The following AGFG2 variants were observed in gnomAD, a reference collection of about 807,000 sequenced individuals.
The protein encoded by AGFG2 is ArfGAP with FG repeats 2.
In AGFG2, 31 loss-of-function variants were observed where a neutral mutation model predicts 48.0. That is an observed-to-expected ratio of 0.65 (90% CI 0.49 to 0.87). The LOEUF is 0.87. AGFG2 is among the 40% of genes least tolerant of loss of function. AGFG2 has a pLI of 0.00. For missense variants in AGFG2, 599 were observed against 632.6 expected, an observed-to-expected ratio of 0.95 and a Z score of 0.57; for synonymous variants, 229 against 260.8, an observed-to-expected ratio of 0.88 and a Z score of 1.18.
chr7:100,552,757 A>G (rs1800672999), intron 3 of AGFG2, among the ~76,000 whole-genome samples: 2 of 152,164 alleles, frequency 1.3e-5, no homozygotes, highest in South Asian at 4.1e-4. Context: ...AGCTGGCAGG[A>G]TGGAAGTGTG....
intron 2 of AGFG2, among the ~76,000 whole-genome samples, chr7:100,549,725 C>T (rs866477215): frequency 6.6e-6 from 1 of 152,072 alleles, no homozygotes; most frequent in Non-Finnish European, 1.5e-5. Flanking sequence ...CTCTTGCTTG[C>T]TCTGTCACCC....
Position 100,539,242 on chromosome 7 carries a change from G to C in AGFG2, c.-105G>C. The stretch of plus-strand genomic sequence containing the variant: ...TCTCCTGCGGATGCCGCCCGCTCCC[G>C]AGCTTCTGTCAGGGGAGCCGGGCGT... On this transcript the variant is annotated 5_prime_UTR_variant, in exon 1 of 12. Coordinates refer to ENST00000300176, the MANE Select transcript of AGFG2 (RefSeq NM_006076.5). 4 of 1,166,596 alleles carry C rather than the reference G, an allele frequency of 3.4e-6. No individual in the cohort carries two copies. The highest frequency in any genetic ancestry group is 4.4e-6 in the Non-Finnish European group (4 of 916,512). 72.3% of individuals were successfully genotyped at this position (1,166,596 alleles called of 1,614,324 possible).
intron 1 of AGFG2, among the ~76,000 whole-genome samples, chr7:100,542,340 T>C (rs547213908): frequency 2.0e-5 from 3 of 152,334 alleles, no homozygotes; most frequent in African/African-American, 7.2e-5. Context: ...TAAAGCATTA[T>C]GAGACTAAAC....
At chr7:100,559,801 G>A (rs1380263459) in intron 6 of AGFG2, among the ~76,000 whole-genome samples, 7 of 150,288 alleles carry the variant, frequency 4.7e-5, no homozygotes, top group Non-Finnish European at 8.9e-5. Flanking sequence ...CTGGGCAATT[G>A]GAATGAGACC....
At chr7:100,542,078 C>T (rs1234433074) in intron 1 of AGFG2, among the ~76,000 whole-genome samples, 4 of 152,060 alleles carry the variant, frequency 2.6e-5, no homozygotes, top group East Asian at 1.9e-4. Context: ...TGCAATGGCG[C>T]GATCTCGGCT....
At position 100,564,320 on chromosome 7, in the gene AGFG2, G is replaced by A; in HGVS notation, c.1386+17G>A. On this transcript the variant is annotated intron_variant, in intron 11 of 11. Coordinates refer to ENST00000300176, the MANE Select transcript of AGFG2 (RefSeq NM_006076.5). ...CCCTTCATGGTGAGTGTGCCAGCAG[G>A]GGTGCTGTGGTAGGGCTCGTGGGCT... The A allele has an allele frequency of 1.2e-6, 2 of 1,609,162 alleles. No individual in the cohort carries two copies. Among genetic ancestry groups the A allele is most frequent in the South Asian group, 1.1e-5 (1 of 89,992 alleles).
chr7:100,554,228 C>A lies in AGFG2; in HGVS notation c.721C>A (p.Pro241Thr). 2 of 1,613,778 alleles carry A rather than the reference C, an allele frequency of 1.2e-6. No homozygotes were observed. The highest frequency in any genetic ancestry group is 2.7e-5 in the African/African-American group (2 of 75,052). Residue 241 changes from proline to threonine, a missense_variant, in exon 5 of 12, where the codon CCA becomes ACA. Transcript: ENST00000300176. ...CCCCTTTGCTGCACCCCAGATGGCACCAGCTTTTGCTGCATTCCCTGCCTT... is the reference window on the plus strand; with the variant it reads ...CCCCTTTGCTGCACCCCAGATGGCAACAGCTTTTGCTGCATTCCCTGCCTT... ...GDPFAAPQMA[P>T]AFAAFPAFGG...
rs34685790 is a variant in AGFG2 at position 100,555,710 on chromosome 7, G to T, written c.852G>T (p.Ser284=). 253 of 1,614,064 alleles carry T rather than the reference G, an allele frequency of 1.6e-4. No individual in the cohort carries two copies. In the African/African-American group the frequency reaches 3.2e-3, roughly 20 times the overall value. The change falls in exon 6 of 12, where the codon TCG becomes TCT. Residue 284 remains serine (S), a synonymous_variant. Transcript: ENST00000300176. ...FGSLPPAGQA[S]FQAQPTPAGS... is the part of the protein sequence containing the mutation. ...GCCTCCCTCCAGCTGGTCAAGCCTC[G>T]TTCCAGGCCCAGCCAACTCCTGCAG...
rs1584394894 is a variant in AGFG2 at position 100,566,345 on chromosome 7, G to C, written c.*1354G>C. On this transcript the variant is annotated 3_prime_UTR_variant, in exon 12 of 12. Transcript: ENST00000300176. ...TCTGCCCCAGGCTCTTTCCACCTGG[G>C]GATGTTGTGACAACATCCAGCTGTG... 1 of 152,232 alleles carries C rather than the reference G, an allele frequency of 6.6e-6. No homozygotes were observed. Among genetic ancestry groups the C allele is most frequent in the Non-Finnish European group, 1.5e-5 (1 of 68,066 alleles). The allele number at this position is 152,232 out of a possible 1,614,324, so 9.4% of individuals were successfully genotyped here. A position where few individuals can be genotyped will look rare whatever the true frequency, so the allele number is the denominator to read the frequency against.
chr7:100,551,636 C>A (rs1455613795), intron 3 of AGFG2, among the ~76,000 whole-genome samples: 2 of 151,642 alleles, frequency 1.3e-5, no homozygotes, highest in Non-Finnish European at 2.9e-5. Flanking sequence ...ATAATCCCAG[C>A]ACTTTGGGAG....
chr7:100,562,828 T>C lies in AGFG2; in HGVS notation c.1088-35T>C. On this transcript the variant is annotated intron_variant, in intron 8 of 11. Coordinates refer to ENST00000300176, the MANE Select transcript of AGFG2 (RefSeq NM_006076.5). This position sits in a 1 kb window ranked among gnomAD's most constrained non-coding sequence, Gnocchi z 5.4. ...ACGTGAGAAAAAAAGTAACCATCTC[T>C]CTCTTTCCTGCCGCTCCCCATTCCA... The C allele has an allele frequency of 2.5e-6, 4 of 1,610,492 alleles. No homozygotes were observed. The highest frequency in any genetic ancestry group is 3.4e-6 in the Non-Finnish European group (4 of 1,176,936).
rs1001364753 is a variant in AGFG2, at chr7:100,555,746, C to T, written c.877+11C>T. 1 of 1,613,134 alleles carries T rather than the reference C, an allele frequency of 6.2e-7. No individual in the cohort carries two copies. The highest frequency in any genetic ancestry group is 8.5e-7 in the Non-Finnish European group (1 of 1,179,476). ...AGCCAACTCCTGCAGGTAAACTCTG[C>T]CCCACTGGCTTCCTTTCTCTTCCAA... On this transcript the variant is annotated intron_variant, in intron 6 of 11. Coordinates refer to ENST00000300176, the MANE Select transcript of AGFG2 (RefSeq NM_006076.5).
At chr7:100,548,975 C>G in intron 2 of AGFG2, 60 bp downstream of exon 2, 1 of 1,411,798 alleles carries the variant, frequency 7.1e-7, no homozygotes, top group Non-Finnish European at 1.0e-6. Context: ...GGCTTTGCCT[C>G]AAGATTGTAG....
chr7:100,558,628 G>A (rs1325441166), intron 6 of AGFG2, among the ~76,000 whole-genome samples: 2 of 149,398 alleles, frequency 1.3e-5, no homozygotes, highest in African/African-American at 4.9e-5. Flanking sequence ...TGCAAACTCC[G>A]CCTCTCGGGT....
chr7:100,539,295 C>A lies in AGFG2; in HGVS notation c.-52C>A. On this transcript the variant is annotated 5_prime_UTR_variant, in exon 1 of 12. Coordinates refer to ENST00000300176, the MANE Select transcript of AGFG2 (RefSeq NM_006076.5). Reference sequence around the variant, plus strand: ...GGAGGCGGCTGAGGAGGCGGGAAGGCGGCAGTGGTTGAAGGGGTGATTGCT... The same window carrying A: ...GGAGGCGGCTGAGGAGGCGGGAAGGAGGCAGTGGTTGAAGGGGTGATTGCT... 1 of 1,269,058 alleles carries A rather than the reference C, an allele frequency of 7.9e-7. No homozygotes were observed. Among genetic ancestry groups the A allele is most frequent in the East Asian group, 3.1e-5 (1 of 31,804 alleles). The allele number at this position is 1,269,058 out of a possible 1,614,324, so 78.6% of individuals were successfully genotyped here.
At chr7:100,555,349 C>T (rs1358486445) in intron 5 of AGFG2, among the ~76,000 whole-genome samples, 1 of 136,758 alleles carries the variant, frequency 7.3e-6, no homozygotes, top group Non-Finnish European at 1.5e-5. Context: ...TCTCGGCTCA[C>T]TGCTAGCTCC....
At chr7:100,556,454 C>A in intron 6 of AGFG2, 1 of 559,608 alleles carries the variant, frequency 1.8e-6, no homozygotes, top group Non-Finnish European at 2.7e-6. Context: ...GTGCCTTCTG[C>A]CATTGGACAT....
chr7:100,563,765 C>T (rs1329500437), intron 9 of AGFG2, 69 bp from the exon 10 acceptor site: 2 of 1,594,544 alleles, frequency 1.3e-6, no homozygotes, highest in African/African-American at 2.7e-5. Context: ...CTTGGAGGGA[C>T]TTAGGAAAAA....
intron 9 of AGFG2, among the ~76,000 whole-genome samples, 181 bp downstream of exon 9, chr7:100,563,127 A>C (rs990845161): frequency 1.3e-5 from 2 of 152,192 alleles, no homozygotes; most frequent in African/African-American, 4.8e-5. Flanking sequence ...AGATTTTAGA[A>C]TTAGAAGCAC....
Sources: gnomAD v4.1 joint callset for allele counts (sites outside exome capture counted in the v4.1 genomes callset) on GRCh38, gnomAD v4.1.1 for gene constraint, Gnocchi (gnomAD v3.1) non-coding constraint, MANE v1.5 for transcripts, NCBI Gene and HGNC (gene_info 2026-07-23, HGNC 2026-07-21) for gene names.